Variants in ADAM22 observed in about 807,000 individuals in gnomAD.
The protein encoded by ADAM22 is disintegrin and metalloproteinase domain-containing protein 22.
Under a neutral mutation model 144.6 loss-of-function variants are expected in ADAM22, and 65 were observed. The ratio of observed to expected loss-of-function variants is 0.45; its 90% confidence interval spans 0.37 to 0.55. The LOEUF is 0.55. Ranked by LOEUF, ADAM22 falls within the 20% of genes least tolerant of loss-of-function variation. The pLI, the probability that ADAM22 is intolerant of heterozygous loss-of-function variation, is 0.00. For synonymous variants in ADAM22, 391 were observed against 412.6 expected, an observed-to-expected ratio of 0.95 and a Z score of 0.63; for missense variants, 974 against 1,184.9, an observed-to-expected ratio of 0.82 and a Z score of 2.61.
intron 7 of ADAM22, among the ~76,000 whole-genome samples, chr7:88,121,867 T>A (rs960152686): frequency 6.6e-6 from 1 of 152,212 alleles, no homozygotes; most frequent in Non-Finnish European, 1.5e-5. Context: ...GATTATACAG[T>A]GTCATTGTAT....
intron 4 of ADAM22, among the ~76,000 whole-genome samples, chr7:88,103,290 G>A (rs1329755774): frequency 6.6e-6 from 1 of 152,000 alleles, no homozygotes; most frequent in Admixed American, 6.6e-5. Context: ...CCCAGGCTGT[G>A]TAACTTCCTT....
In ADAM22 at chr7:88,145,523, T is replaced by C. The variant is rs1455276303; in HGVS notation, c.1485+16T>C. 1 of 1,590,454 alleles carries C rather than the reference T, an allele frequency of 6.3e-7. No homozygotes were observed. Among genetic ancestry groups the C allele is most frequent in the Admixed American group, 1.7e-5 (1 of 59,290 alleles). ...AAAGTGCAAGGTAAATAAACATTAA[T>C]GACCATTTGACAGAAAAAAAGGACA... On this transcript the variant is annotated intron_variant, in intron 17 of 31. Transcript: ENST00000413139.
chr7:88,170,047 T>A (rs562395526), intron 25 of ADAM22, among the ~76,000 whole-genome samples: 67 of 152,222 alleles, frequency 4.4e-4, no homozygotes, highest in African/African-American at 1.5e-3. Flanking sequence ...ATCACTTTTT[T>A]TCTGCAGGTG....
chr7:88,044,331 A>G (rs188897402), intron 3 of ADAM22, among the ~76,000 whole-genome samples: 2 of 152,324 alleles, frequency 1.3e-5, no homozygotes, highest in Admixed American at 6.5e-5. Flanking sequence ...AGGAACTGCT[A>G]TGTTATCTGC....
At chr7:87,982,272 T>C (rs2129449664) in intron 3 of ADAM22, among the ~76,000 whole-genome samples, 1 of 151,942 alleles carries the variant, frequency 6.6e-6, no homozygotes, top group Non-Finnish European at 1.5e-5. Flanking sequence ...TTTCAGAGAG[T>C]GACAGTGCCA....
rs1851115046 is a variant in ADAM22, at chr7:88,200,503, A to T, written c.*4012A>T. 1 of 152,238 alleles carries T rather than the reference A, an allele frequency of 6.6e-6. No individual in the cohort carries two copies. The highest frequency in any genetic ancestry group is 1.5e-5 in the Non-Finnish European group (1 of 68,050). 9.4% of individuals were successfully genotyped at this position (152,238 alleles called of 1,614,324 possible). ...TGCCCACATGGGCAGCGTGTTGTAA[A>T]TATCACCCTACCAGTTGGTAAGTTG... On this transcript the variant is annotated 3_prime_UTR_variant, in exon 32 of 32. Transcript: ENST00000413139.
In ADAM22 at chr7:88,149,073, A is replaced by G. The variant is rs761270599; in HGVS notation, c.1566+16A>G. On this transcript the variant is annotated intron_variant, in intron 18 of 31. Transcript: ENST00000413139. Reference sequence around the variant, plus strand: ...TTCAAGCCAGGTAATTTACAAAATAACTGCTCTAAAACTTATGGGAAAAAG... The same window carrying G: ...TTCAAGCCAGGTAATTTACAAAATAGCTGCTCTAAAACTTATGGGAAAAAG... 7.5e-6 allele frequency: 12 copies of G among 1,601,054 alleles called. No homozygotes were observed. The South Asian group carries it at 1.3e-4, about 18-fold the overall frequency.
At chr7:87,966,863 A>G (rs1289892973) in intron 2 of ADAM22, among the ~76,000 whole-genome samples, 1 of 149,556 alleles carries the variant, frequency 6.7e-6, no homozygotes, top group Non-Finnish European at 1.5e-5. Context: ...TGTTTACATC[A>G]GTTGTGATAT....
At chr7:87,952,054 G>T (rs1167894140) in intron 2 of ADAM22, among the ~76,000 whole-genome samples, 3 of 150,092 alleles carry the variant, frequency 2.0e-5, no homozygotes, top group South Asian at 2.1e-4. Flanking sequence ...GAGACAATGG[G>T]GTTTTCTAGA....
chr7:88,066,698 A>G (rs1048105889), intron 3 of ADAM22, among the ~76,000 whole-genome samples: 1 of 152,158 alleles, frequency 6.6e-6, no homozygotes, highest in Admixed American at 6.6e-5. Context: ...GGGTACTCCA[A>G]TGTTTAGGAA....
At chr7:88,114,980 T>C (rs1827384195) in intron 6 of ADAM22, among the ~76,000 whole-genome samples, 1 of 152,154 alleles carries the variant, frequency 6.6e-6, no homozygotes, top group Non-Finnish European at 1.5e-5. Flanking sequence ...TTGCCAGGTG[T>C]GGTGGCTCAT....
intron 30 of ADAM22, among the ~76,000 whole-genome samples, chr7:88,188,476 G>A (rs186436942): frequency 6.6e-6 from 1 of 152,282 alleles, no homozygotes; most frequent in East Asian, 1.9e-4. Flanking sequence ...TGAGATGTTG[G>A]TTCCTACAGT....
chr7:88,014,147 G>A (rs939261540), intron 3 of ADAM22, among the ~76,000 whole-genome samples: 2 of 151,990 alleles, frequency 1.3e-5, no homozygotes, highest in Admixed American at 6.6e-5. Flanking sequence ...AGTGGCATAT[G>A]TACCCATGAT....
intron 29 of ADAM22, among the ~76,000 whole-genome samples, chr7:88,183,833 C>CACAT (rs781251136): frequency 1.0e-4 from 15 of 146,050 alleles, no homozygotes; most frequent in Admixed American, 4.2e-4. Flanking sequence ...TGTATATATA[C>CACAT]ATATATATAT....
chr7:87,999,472 G>T (rs921893238), intron 3 of ADAM22, among the ~76,000 whole-genome samples: 4 of 152,278 alleles, frequency 2.6e-5, no homozygotes, highest in Admixed American at 2.6e-4. Context: ...ACTGGAATTT[G>T]AACTTTGTTC....
intron 14 of ADAM22, among the ~76,000 whole-genome samples, chr7:88,136,658 C>T (rs1833053279): frequency 6.6e-6 from 1 of 151,772 alleles, no homozygotes; most frequent in South Asian, 2.1e-4. Flanking sequence ...CTAGTTTAAA[C>T]TTTGACCATC....
At chr7:88,165,237 A>G (rs1473736172) in intron 23 of ADAM22, among the ~76,000 whole-genome samples, 2 of 152,058 alleles carry the variant, frequency 1.3e-5, no homozygotes, top group African/African-American at 4.8e-5. Flanking sequence ...AATGGTGTCA[A>G]TTTTATATGA....
At position 88,183,799 on chromosome 7, in the gene ADAM22, GA is replaced by G. The variant is rs1019139278; in HGVS notation, c.2663+1777del. Among the ~76,000 whole-genome samples, 4 of 149,900 alleles carry G rather than the reference GA, an allele frequency of 2.7e-5. No individual in the cohort carries two copies. The Admixed American group carries it at 2.7e-4, about 10-fold the overall frequency. On this transcript the variant is annotated intron_variant, in intron 29 of 31. Coordinates refer to ENST00000413139, the MANE Select transcript of ADAM22 (RefSeq NM_001324418.2). ...AATTCTCACATACCTTCTTGTATAG[GA>G]ACTGTCTCTCTATATATACACATGT...
At chr7:88,019,807 G>A (rs1797337295) in intron 3 of ADAM22, among the ~76,000 whole-genome samples, 1 of 151,854 alleles carries the variant, frequency 6.6e-6, no homozygotes, top group African/African-American at 2.4e-5. Flanking sequence ...CCGAGGTTGT[G>A]CCATTTCACT....
Sources: allele counts gnomAD v4.1 joint callset (sites outside exome capture counted in the v4.1 genomes callset), GRCh38; gene constraint gnomAD v4.1.1; transcripts MANE v1.5; gene names NCBI Gene and HGNC (gene_info 2026-07-23, HGNC 2026-07-21).